Variants in ZNF775 observed in about 807,000 individuals in gnomAD.
The protein encoded by ZNF775 is zinc finger protein 775.
In ZNF775, 1 loss-of-function variant was observed where a neutral mutation model predicts 2.4. The ratio of observed to expected loss-of-function variants is 0.41; its 90% confidence interval spans 0.15 to 1.94. The LOEUF is 1.94. Among genes scored for constraint, ZNF775 ranks in the 30% most tolerant of loss-of-function variants. The probability of loss-of-function intolerance (pLI) is 0.30; values close to 1 mark genes in which losing one functional copy is unlikely to be tolerated. For synonymous variants in ZNF775, 381 were observed against 373.3 expected, an observed-to-expected ratio of 1.02 and a Z score of -0.24; for missense variants, 823 against 826.6, an observed-to-expected ratio of 1.00 and a Z score of 0.05.
rs1800493562 is a variant in ZNF775 at position 150,388,455 on chromosome 7, T to A, written c.-16T>A. 11 of 1,551,736 alleles carry A rather than the reference T, an allele frequency of 7.1e-6. No individual in the cohort carries two copies. Among genetic ancestry groups the A allele is most frequent in the Non-Finnish European group, 9.6e-6 (11 of 1,147,008 alleles). ...AAAGGGACACAGCCGGCGCTGATGC[T>A]GGGAGGCCTCCAGGGATGGAGAGTG... On this transcript the variant is annotated 5_prime_UTR_variant, in exon 2 of 3. Transcript: ENST00000329630.
intron 2 of ZNF775, 48 bp from the exon 3 acceptor site, chr7:150,396,465 G>A: frequency 6.6e-7 from 1 of 1,524,472 alleles, no homozygotes; most frequent in Non-Finnish European, 8.8e-7. Context: ...CCACCCAGCG[G>A]AGCAGCAGTG....
chr7:150,396,628 G>T lies in ZNF775; in HGVS notation c.147G>T (p.Arg49=). The change falls in exon 3 of 3, where the codon CGG becomes CGT. Residue 49 remains arginine, a synonymous_variant. Transcript: ENST00000329630. ...AGGAGAACATATTTCAGCAGCACCG[G>T]GGCCTCCCGCCACGCCAGACCATGG... ...KDKENIFQQH[R]GLPPRQTMGR... is the part of the protein sequence containing the mutation. The T allele has an allele frequency of 6.2e-7, 1 of 1,611,322 alleles. No individual in the cohort carries two copies. The highest frequency in any genetic ancestry group is 8.5e-7 in the Non-Finnish European group (1 of 1,179,584).
chr7:150,394,393 T>C (rs1247586411), intron 2 of ZNF775, among the ~76,000 whole-genome samples: 2 of 152,260 alleles, frequency 1.3e-5, no homozygotes, highest in Non-Finnish European at 2.9e-5. Flanking sequence ...TTAATAATCA[T>C]AAACAAATGG....
At position 150,390,572 on chromosome 7, in the gene ZNF775, C is replaced by G. The variant is rs117897832; in HGVS notation, c.31+2071C>G. 9.2e-4 allele frequency among the ~76,000 whole-genome samples: 140 copies of G among 152,288 alleles called. 2 individuals are homozygous for G. The East Asian group carries it at 0.025, about 27-fold the overall frequency. ...CAATCAGATGATTCATATGGTTTTT[C>G]AACTTGTTTTTTGTTTTCTCTTAAA... On this transcript the variant is annotated intron_variant, in intron 2 of 2. Coordinates refer to ENST00000329630, the MANE Select transcript of ZNF775 (RefSeq NM_173680.4).
chr7:150,397,271 G>A lies in ZNF775; in HGVS notation c.790G>A (p.Gly264Arg), dbSNP rs867011334. Residue 264 changes from glycine to arginine, a missense_variant, in exon 3 of 3, where the codon GGG (glycine) becomes AGG (arginine). Gly to Arg is a moderately radical substitution (Grantham distance 125). Coordinates refer to ENST00000329630, the MANE Select transcript of ZNF775 (RefSeq NM_173680.4). ...GLCQGWWGQP[G>R]ARAAVSGPEG... ...CTGCCAGGGCTGGTGGGGCCAGCCC[G>A]GGGCCCGGGCCGCGGTCTCCGGCCC... 10 of 1,432,368 alleles carry A rather than the reference G, an allele frequency of 7.0e-6. No individual in the cohort carries two copies. The highest frequency in any genetic ancestry group is 2.5e-4 in the Middle Eastern group (1 of 3,954). 88.7% of individuals were successfully genotyped at this position (1,432,368 alleles called of 1,614,324 possible).
At position 150,398,053 on chromosome 7, in the gene ZNF775, C is replaced by A. The variant is rs1012587187; in HGVS notation, c.1572C>A (p.His524Gln). ...KQHLLKHQRV[H>Q]RAAPACSPKE... is the part of the protein sequence containing the mutation. ...ACCTGCTCAAGCACCAGCGCGTGCA[C>A]CGCGCGGCCCCTGCGTGCAGCCCCA... Residue 524 changes from histidine (H) to glutamine (Q), a missense_variant, in exon 3 of 3, where the codon CAC (histidine) becomes CAA (glutamine). Physicochemically the swap from His to Gln is conservative, Grantham distance 24. Transcript: ENST00000329630. 1 of 1,566,594 alleles carries A rather than the reference C, an allele frequency of 6.4e-7. No individual in the cohort carries two copies.
Position 150,391,706 on chromosome 7 carries a change from C to CTTTTTTTTTTTTTTTT in ZNF775, c.31+3211_31+3226dup, listed in dbSNP as rs535705895. 2.2e-4 allele frequency among the ~76,000 whole-genome samples: 16 copies of CTTTTTTTTTTTTTTTT among 73,566 alleles called. 1 individual carries two copies. The highest frequency in any genetic ancestry group is 3.3e-4 in the Non-Finnish European group (13 of 39,582). The allele number at this position is 73,566 out of a possible 152,430, so 48.3% of individuals were successfully genotyped here. On this transcript the variant is annotated intron_variant, in intron 2 of 2. Coordinates refer to ENST00000329630, the MANE Select transcript of ZNF775 (RefSeq NM_173680.4). Reference sequence around the variant, plus strand: ...ATTCCCATTTCTTTTTCCTTTCTTTCTTTTTTTTTTTTTTTTTTTTTGAGA... The same window carrying CTTTTTTTTTTTTTTTT: ...ATTCCCATTTCTTTTTCCTTTCTTTCTTTTTTTTTTTTTTTTTTTTTTTTTTTTTTTTTTTTTGAGA...
At chr7:150,386,592 G>A (rs976164110) in intron 1 of ZNF775, among the ~76,000 whole-genome samples, 4 of 152,174 alleles carry the variant, frequency 2.6e-5, no homozygotes, top group African/African-American at 4.8e-5. Flanking sequence ...GGGGGTGGCC[G>A]AGCCAGGGTG....
At position 150,397,984 on chromosome 7, in the gene ZNF775, C is replaced by G. The variant is rs979805841; in HGVS notation, c.1503C>G (p.Pro501=). Residue 501 remains proline (P), a synonymous_variant, in exon 3 of 3, where the codon CCC becomes CCG. Coordinates refer to ENST00000329630, the MANE Select transcript of ZNF775 (RefSeq NM_173680.4). ...RHRRNHTGER[P]YLCPACGRGF... ...GGCGCAACCACACAGGCGAGCGGCCCTACCTGTGTCCCGCCTGCGGCCGCG... is the reference window on the plus strand; with the variant it reads ...GGCGCAACCACACAGGCGAGCGGCCGTACCTGTGTCCCGCCTGCGGCCGCG... 1.3e-5 allele frequency: 20 copies of G among 1,596,662 alleles called. No individual in the cohort carries two copies. The highest frequency in any genetic ancestry group is 1.5e-5 in the Non-Finnish European group (18 of 1,177,378).
chr7:150,385,164 A>G (rs1449104713), intron 1 of ZNF775, among the ~76,000 whole-genome samples: 1 of 152,104 alleles, frequency 6.6e-6, no homozygotes, highest in Non-Finnish European at 1.5e-5. Flanking sequence ...GAGCCCCACC[A>G]GGGGCTCCTC....
In ZNF775 at chr7:150,398,497, G is replaced by A; in HGVS notation, c.*402G>A. The A allele has an allele frequency of 5.0e-6, 1 of 201,648 alleles. No individual in the cohort carries two copies. The highest frequency in any genetic ancestry group is 9.9e-6 in the Non-Finnish European group (1 of 101,196). 12.5% of individuals were successfully genotyped at this position (201,648 alleles called of 1,614,324 possible). ...TTCAGGATGGCCGGGGGCTGCCCCT[G>A]TGGGAGAGTTGCCAAGACTCGGCGA... On this transcript the variant is annotated 3_prime_UTR_variant, in exon 3 of 3. Transcript: ENST00000329630.
chr7:150,386,125 G>C (rs569031629), intron 1 of ZNF775, among the ~76,000 whole-genome samples: 1 of 152,058 alleles, frequency 6.6e-6, no homozygotes, highest in South Asian at 2.1e-4. Context: ...TAGTAGAGAC[G>C]GGGTTTCCCC....
Position 150,384,441 on chromosome 7 carries a change from C to T in ZNF775, c.-49-3981C>T. ...TAGGTTAGGAGGGGCCCGCCATGCA[C>T]AGAGCAGAGTGAAAGGCAGAATAGG... On this transcript the variant is annotated intron_variant, in intron 1 of 2. Transcript: ENST00000329630. The surrounding 1 kb of genome is among the most constrained non-coding windows in gnomAD (Gnocchi z 4.1). 6.6e-6 allele frequency among the ~76,000 whole-genome samples: 1 copy of T among 152,168 alleles called. No homozygotes were observed. The highest frequency in any genetic ancestry group is 3.2e-3 in the Middle Eastern group (1 of 316).
In ZNF775 at chr7:150,396,690, G is replaced by C; in HGVS notation, c.209G>C (p.Gly70Ala). 2 of 1,606,694 alleles carry C rather than the reference G, an allele frequency of 1.2e-6. No homozygotes were observed. The highest frequency in any genetic ancestry group is 1.7e-6 in the Non-Finnish European group (2 of 1,177,400). Residue 70 changes from glycine (G) to alanine (A), a missense_variant, in exon 3 of 3, where the codon GGG (glycine) becomes GCG (alanine). Physicochemically the swap from Gly to Ala is moderately conservative, Grantham distance 60. Coordinates refer to ENST00000329630, the MANE Select transcript of ZNF775 (RefSeq NM_173680.4). ...PRALGGQEES[G>A]SPRWAPPTEQ... ...GCCCTGGGGGGACAGGAGGAGTCTGGGAGTCCAAGGTGGGCCCCTCCCACT... is the reference window on the plus strand; with the variant it reads ...GCCCTGGGGGGACAGGAGGAGTCTGCGAGTCCAAGGTGGGCCCCTCCCACT...
At chr7:150,387,443 G>A (rs1274660648) in intron 1 of ZNF775, among the ~76,000 whole-genome samples, 3 of 152,180 alleles carry the variant, frequency 2.0e-5, no homozygotes, top group African/African-American at 7.2e-5. Flanking sequence ...CATCCACACA[G>A]CAGTGTGACC....
rs566588180 is a variant in ZNF775, at chr7:150,391,103, A to C, written c.31+2602A>C. ...TATAGGAGTCTGTTTTATAGTCTGG[A>C]TACTAAGCGTTTGTCTATTCTATAT... On this transcript the variant is annotated intron_variant, in intron 2 of 2. Transcript: ENST00000329630. 7.9e-5 allele frequency among the ~76,000 whole-genome samples: 12 copies of C among 152,308 alleles called. No homozygotes were observed. In the South Asian group the frequency reaches 1.9e-3, roughly 24 times the overall value.
rs1427388453 is a variant in ZNF775 at position 150,397,742 on chromosome 7, C to T, written c.1261C>T (p.Arg421Trp). 2 of 1,465,484 alleles carry T rather than the reference C, an allele frequency of 1.4e-6. No homozygotes were observed. The highest frequency in any genetic ancestry group is 1.5e-5 in the African/African-American group (1 of 68,576). The allele number at this position is 1,465,484 out of a possible 1,614,324, so 90.8% of individuals were successfully genotyped here. A position where few individuals can be genotyped will look rare whatever the true frequency, so the allele number is the denominator to read the frequency against. Residue 421 changes from arginine (R) to tryptophan (W), a missense_variant, in exon 3 of 3, where the codon CGG becomes TGG. Arg to Trp is a moderately radical substitution (Grantham distance 101). Coordinates refer to ENST00000329630, the MANE Select transcript of ZNF775 (RefSeq NM_173680.4). ...GLAARPRSSQ[R>W]SPGARDTLWG... Reference sequence around the variant, plus strand: ...GGCCGCGAGGCCGCGGAGCTCCCAACGGTCCCCGGGGGCCCGGGACACGCT... The same window carrying T: ...GGCCGCGAGGCCGCGGAGCTCCCAATGGTCCCCGGGGGCCCGGGACACGCT...
chr7:150,387,449 T>G (rs1196085944), intron 1 of ZNF775, among the ~76,000 whole-genome samples: 1 of 151,998 alleles, frequency 6.6e-6, no homozygotes, highest in Non-Finnish European at 1.5e-5. Context: ...CACAGCAGTG[T>G]GACCTGTCCT....
rs1450350622 is a variant in ZNF775 at position 150,384,864 on chromosome 7, G to A, written c.-49-3558G>A. 6.6e-6 allele frequency among the ~76,000 whole-genome samples: 1 copy of A among 152,100 alleles called. No homozygotes were observed. The highest frequency in any genetic ancestry group is 1.5e-5 in the Non-Finnish European group (1 of 68,032). ...TGTTAGGTCCTAATACCTCTTGGGA[G>A]GCAGGGTGGGTGAAGTAGGACTGTC... On this transcript the variant is annotated intron_variant, in intron 1 of 2. Transcript: ENST00000329630. The surrounding 1 kb of genome is among the most constrained non-coding windows in gnomAD (Gnocchi z 4.1).
Sources: allele counts gnomAD v4.1 joint callset (sites outside exome capture counted in the v4.1 genomes callset), GRCh38; gene constraint gnomAD v4.1.1; non-coding constraint Gnocchi (gnomAD v3.1); transcripts MANE v1.5; gene names NCBI Gene and HGNC (gene_info 2026-07-23, HGNC 2026-07-21).